MCOLN2: variants seen among roughly 807,000 people sequenced by gnomAD.
MCOLN2 encodes the protein mucolipin TRP cation channel 2.
In MCOLN2, 57 loss-of-function variants were observed where a neutral mutation model predicts 67.5. The ratio of observed to expected loss-of-function variants is 0.84; its 90% CI spans 0.68 to 1.05. The LOEUF (loss-of-function observed/expected upper bound fraction) is 1.05, where lower values mean the gene tolerates loss of function less well. MCOLN2 is among the 50% of genes least tolerant of loss of function. The pLI is 0.00. For synonymous variants in MCOLN2, 246 were observed against 233.3 expected (o/e 1.05, Z -0.50); for missense variants, 620 against 678.8 (o/e 0.91, Z 0.96).
chr1:84,996,627 G>A (rs887187643), intron 1 of MCOLN2, among the ~76,000 whole-genome samples, 169 bp downstream of exon 1: 1 of 151,954 alleles, frequency 6.6e-6, no homozygotes, highest in Admixed American at 6.6e-5. Flanking sequence ...TGAGGGAAAG[G>A]CCTGTTTGTT....
chr1:84,939,455 G>T, intron 9 of MCOLN2, 98 bp downstream of exon 9: 2 of 1,209,400 alleles, frequency 1.7e-6, no homozygotes, highest in Non-Finnish European at 1.2e-6. Flanking sequence ...GGGAAGACAC[G>T]AGAATCAAAG....
rs1210923508 is a variant in MCOLN2, at chr1:84,956,137, A to G, written c.565+294T>C. Reference sequence around the variant, plus strand: ...TACAGACCGTTTTTTCAGAAAGCCTAATCACCCCTTCATAGGGAAAAAAAA... The same window carrying G: ...TACAGACCGTTTTTTCAGAAAGCCTGATCACCCCTTCATAGGGAAAAAAAA... On this transcript the variant is annotated intron_variant, in intron 4 of 13. Transcript: ENST00000370608. 2.7e-5 allele frequency among the ~76,000 whole-genome samples: 4 copies of G among 148,320 alleles called. No individual in the cohort carries two copies. The East Asian group carries it at 7.9e-4, about 29-fold the overall frequency.
At chr1:84,938,199 A>G (rs1647545648) in intron 9 of MCOLN2, 117 bp from the exon 10 acceptor site, 2 of 509,228 alleles carry the variant, frequency 3.9e-6, no homozygotes, top group Non-Finnish European at 6.7e-6. Context: ...CCTATAGGTG[A>G]TAGAGTTTTT....
At chr1:84,965,490 T>G in intron 2 of MCOLN2, 59 bp downstream of exon 2, 4 of 1,561,236 alleles carry the variant, frequency 2.6e-6, no homozygotes, top group Admixed American at 1.9e-5. Context: ...ACAGAACACA[T>G]GAAAAGAGTT....
intron 1 of MCOLN2, among the ~76,000 whole-genome samples, chr1:84,994,236 T>C (rs939910186): frequency 6.6e-6 from 1 of 152,222 alleles, no homozygotes; most frequent in Non-Finnish European, 1.5e-5. Flanking sequence ...TTAAGTGCCC[T>C]AGGATTTTTG....
intron 2 of MCOLN2, among the ~76,000 whole-genome samples, chr1:84,962,666 G>A (rs1379444879): frequency 3.5e-4 from 53 of 152,240 alleles, no homozygotes; most frequent in Admixed American, 3.5e-3. Flanking sequence ...CCTGAAAGGT[G>A]AGGGAGAAAA....
chr1:84,954,753 A>T (rs572743095), intron 4 of MCOLN2, among the ~76,000 whole-genome samples: 2 of 152,352 alleles, frequency 1.3e-5, no homozygotes, highest in South Asian at 4.1e-4. Flanking sequence ...TATTCAGTAA[A>T]TATTTGCTGA....
intron 8 of MCOLN2, 136 bp downstream of exon 8, chr1:84,940,743 G>A (rs542275696): frequency 6.1e-5 from 36 of 594,508 alleles, no homozygotes; most frequent in African/African-American, 4.9e-4. Context: ...GCCTCATAGC[G>A]GGCAACTACT....
chr1:84,991,278 T>G (rs7547317), intron 1 of MCOLN2, among the ~76,000 whole-genome samples: 18,494 of 152,116 alleles, frequency 0.12, 1,380 homozygotes, highest in East Asian at 0.26. Context: ...GTTTCTACAG[T>G]AATGACTGTG....
At chr1:84,939,918 C>T (rs12079251) in intron 8 of MCOLN2, among the ~76,000 whole-genome samples, 39 of 152,288 alleles carry the variant, frequency 2.6e-4, no homozygotes, top group African/African-American at 8.4e-4. Context: ...ATATGAAATA[C>T]GTACGCGGTA....
intron 1 of MCOLN2, among the ~76,000 whole-genome samples, chr1:84,985,703 C>A (rs890952773): frequency 5.3e-5 from 8 of 151,886 alleles, no homozygotes; most frequent in South Asian, 2.1e-4. Context: ...GCAAAAAAAA[C>A]CAAAATTTAA....
intron 6 of MCOLN2, among the ~76,000 whole-genome samples, 198 bp from the exon 7 acceptor site, chr1:84,947,330 G>A (rs934378198): frequency 3.5e-5 from 5 of 143,562 alleles, no homozygotes; most frequent in Admixed American, 1.4e-4. Flanking sequence ...ACACACACAC[G>A]GGACCAAAAT....
At position 84,973,563 on chromosome 1, in the gene MCOLN2, A is replaced by C. The variant is rs187774044; in HGVS notation, c.78-7855T>G. On this transcript the variant is annotated intron_variant, in intron 1 of 13. Transcript: ENST00000370608. Reference sequence around the variant, plus strand: ...CCTGGGGAAATTGTCAAGTTTCCCAAATTAGGGGGTTCATGGTGGTACCCC... The same window carrying C: ...CCTGGGGAAATTGTCAAGTTTCCCACATTAGGGGGTTCATGGTGGTACCCC... Among the ~76,000 whole-genome samples, 5 of 152,318 alleles carry C rather than the reference A, an allele frequency of 3.3e-5. No individual in the cohort carries two copies. The East Asian group carries it at 9.7e-4, about 29-fold the overall frequency.
intron 1 of MCOLN2, among the ~76,000 whole-genome samples, chr1:84,970,731 C>T (rs1379284531): frequency 6.6e-6 from 1 of 152,082 alleles, no homozygotes; most frequent in Admixed American, 6.6e-5. Flanking sequence ...CCATGCTCTG[C>T]TGGAGACATT....
chr1:84,938,174 AG>A, intron 9 of MCOLN2, 92 bp from the exon 10 acceptor site: 1 of 813,684 alleles, frequency 1.2e-6, no homozygotes, highest in Non-Finnish European at 1.9e-6. Flanking sequence ...TAATAAAAAA[AG>A]AACTATCTGC....
At position 84,964,526 on chromosome 1, in the gene MCOLN2, TG is replaced by T. The variant is rs200032618; in HGVS notation, c.237+1022del. Among the ~76,000 whole-genome samples the T allele has an allele frequency of 1.9e-3, 138 of 71,206 alleles. 1 individual carries two copies. Among genetic ancestry groups the T allele is most frequent in the Middle Eastern group, 0.014 (2 of 144 alleles). 46.7% of individuals were successfully genotyped at this position (71,206 alleles called of 152,430 possible). ...TCCAGGGACTGGAGTGGGGCAGGAG[TG>T]GGGGGGGGTGGGTAATGGTTTCAGG... On this transcript the variant is annotated intron_variant, in intron 2 of 13. Coordinates refer to ENST00000370608, the MANE Select transcript of MCOLN2 (RefSeq NM_153259.4).
chr1:84,964,214 T>C (rs1305561074), intron 2 of MCOLN2, among the ~76,000 whole-genome samples: 1 of 152,200 alleles, frequency 6.6e-6, no homozygotes, highest in African/African-American at 2.4e-5. Flanking sequence ...ACACATGGCA[T>C]GTCATATACT....
intron 7 of MCOLN2, among the ~76,000 whole-genome samples, chr1:84,941,695 T>C (rs557625791): frequency 3.9e-5 from 6 of 152,258 alleles, no homozygotes; most frequent in African/African-American, 1.4e-4. Context: ...AAGTTCACCA[T>C]TAATAAGAGA....
intron 11 of MCOLN2, among the ~76,000 whole-genome samples, chr1:84,933,176 A>T (rs1293080891): frequency 6.6e-6 from 1 of 152,228 alleles, no homozygotes; most frequent in East Asian, 1.9e-4. Context: ...TTCAAGACCA[A>T]GTGCCCTGGT....
Sources: allele counts gnomAD v4.1 joint callset (sites outside exome capture counted in the v4.1 genomes callset), GRCh38; gene constraint gnomAD v4.1.1; transcripts MANE v1.5; gene names NCBI Gene and HGNC (gene_info 2026-07-23, HGNC 2026-07-21).